FHIT: variants seen among roughly 807,000 people sequenced by gnomAD.
FHIT encodes fragile histidine triad diadenosine triphosphatase.
A neutral mutation model predicts 17.9 loss-of-function variants in FHIT; 19 were observed. The ratio of observed to expected loss-of-function variants is 1.06; its 90% CI spans 0.74 to 1.56. FHIT has a LOEUF of 1.56. Among genes scored for constraint, FHIT ranks in the 40% most tolerant of loss-of-function variants. The probability of loss-of-function intolerance (pLI) is 0.00; values close to 1 mark genes in which losing one functional copy is unlikely to be tolerated. For synonymous variants in FHIT, 81 were observed against 69.7 expected (o/e 1.16, Z -0.81); for missense variants, 248 against 189.2 (o/e 1.31, Z -1.82).
rs61056807 is a variant in FHIT, at chr3:60,772,314, C to CTATATA, written c.-18+49599_-18+49604dup. On this transcript the variant is annotated intron_variant, in intron 4 of 9. Transcript: ENST00000492590. Reference sequence around the variant, plus strand: ...ATTAAGTAGATTGTTCACTTCTCATCTATATATATATATATATATATATAT... The same window carrying CTATATA: ...ATTAAGTAGATTGTTCACTTCTCATCTATATATATATATATATATATATATATATAT... 2.7e-3 allele frequency among the ~76,000 whole-genome samples: 390 copies of CTATATA among 143,174 alleles called. 1 individual carries two copies. The highest frequency in any genetic ancestry group is 3.4e-3 in the Non-Finnish European group (221 of 65,782). 93.9% of individuals were successfully genotyped at this position (143,174 alleles called of 152,430 possible).
chr3:59,984,505 A>AC (rs1708805664), intron 7 of FHIT, among the ~76,000 whole-genome samples: 2 of 152,018 alleles, frequency 1.3e-5, no homozygotes, highest in Non-Finnish European at 2.9e-5. Flanking sequence ...TTGGCTAAAC[A>AC]TTGTTCCTAA....
intron 5 of FHIT, among the ~76,000 whole-genome samples, chr3:60,288,314 C>A (rs1235879754): frequency 7.2e-5 from 11 of 152,040 alleles, no homozygotes; most frequent in Non-Finnish European, 1.0e-4. Context: ...TAACATAATA[C>A]AAGGTGGGAG....
At chr3:60,934,932 C>T (rs953714188) in intron 3 of FHIT, among the ~76,000 whole-genome samples, 1 of 152,110 alleles carries the variant, frequency 6.6e-6, no homozygotes, top group Non-Finnish European at 1.5e-5. Context: ...GGAAAGTGCC[C>T]CTCCTGGCTC....
intron 4 of FHIT, among the ~76,000 whole-genome samples, chr3:60,596,814 T>C (rs2038286832): frequency 6.6e-6 from 1 of 152,128 alleles, no homozygotes; most frequent in South Asian, 2.1e-4. Flanking sequence ...GCATGCTGGC[T>C]CTTACCATCA....
At position 59,770,639 on chromosome 3, in the gene FHIT, C is replaced by T. The variant is rs79702250; in HGVS notation, c.349-18318G>A. 8.2e-3 allele frequency among the ~76,000 whole-genome samples: 1,254 copies of T among 152,280 alleles called. 23 individuals are homozygous for T. The highest frequency in any genetic ancestry group is 0.029 in the African/African-American group (1,196 of 41,548). On this transcript the variant is annotated intron_variant, in intron 8 of 9. Transcript: ENST00000492590. The stretch of plus-strand genomic sequence containing the variant: ...GCTTGTAGTTGCCAGAACTGTAAAA[C>T]GACAAATTTCCATTGTTTAAGCCAC...
chr3:61,078,725 A>G (rs2035042563), intron 2 of FHIT, among the ~76,000 whole-genome samples: 1 of 152,176 alleles, frequency 6.6e-6, no homozygotes, highest in Non-Finnish European at 1.5e-5. Context: ...TTAAACCAAT[A>G]ATAGTGATCA....
At chr3:60,476,662 A>T (rs1462799251) in intron 5 of FHIT, among the ~76,000 whole-genome samples, 1 of 152,140 alleles carries the variant, frequency 6.6e-6, no homozygotes, top group Non-Finnish European at 1.5e-5. Flanking sequence ...GCATGGTCAA[A>T]GTTCAAGGGC....
rs575577244 is a variant in FHIT at position 59,943,536 on chromosome 3, G to C, written c.280-21122C>G. Among the ~76,000 whole-genome samples the C allele has an allele frequency of 3.9e-5, 6 of 152,186 alleles. No individual in the cohort carries two copies. The South Asian group carries it at 1.2e-3, about 32-fold the overall frequency. ...TAATTAGAATCATTAACTGCAAATG[G>C]AAGTAAGAACAACTCAACTCTCCTT... On this transcript the variant is annotated intron_variant, in intron 7 of 9. Transcript: ENST00000492590.
At chr3:60,389,378 A>C (rs1038728909) in intron 5 of FHIT, among the ~76,000 whole-genome samples, 16 of 152,162 alleles carry the variant, frequency 1.1e-4, no homozygotes, top group Admixed American at 2.6e-4. Flanking sequence ...GAAGATAGAA[A>C]ATGTGCAGTA....
At chr3:60,846,412 T>C (rs1016031290) in intron 3 of FHIT, among the ~76,000 whole-genome samples, 1 of 152,300 alleles carries the variant, frequency 6.6e-6, no homozygotes, top group South Asian at 2.1e-4. Flanking sequence ...TACACAAATA[T>C]AGCAAAGTCA....
chr3:60,680,333 G>T (rs1330400209), intron 4 of FHIT, among the ~76,000 whole-genome samples: 1 of 152,036 alleles, frequency 6.6e-6, no homozygotes, highest in Non-Finnish European at 1.5e-5. Context: ...TTCATTAATT[G>T]TCCATTTCTG....
Position 59,962,172 on chromosome 3 carries a change from G to A in FHIT, c.280-39758C>T, listed in dbSNP as rs182084405. 6.5e-4 allele frequency among the ~76,000 whole-genome samples: 99 copies of A among 152,240 alleles called. No homozygotes were observed. The East Asian group carries it at 9.8e-3, about 15-fold the overall frequency. ...TAACAAAAGGAACTATGTCTTTAAC[G>A]TATTTTTCTTGAAAGCCAGTTCATA... On this transcript the variant is annotated intron_variant, in intron 7 of 9. Transcript: ENST00000492590.
At chr3:61,038,262 C>A (rs559427361) in intron 3 of FHIT, among the ~76,000 whole-genome samples, 1 of 152,284 alleles carries the variant, frequency 6.6e-6, no homozygotes, top group African/African-American at 2.4e-5. Context: ...GCAAAGCATT[C>A]TTGCCAAAAA....
At chr3:60,630,417 CTCT>C (rs1447608318) in intron 4 of FHIT, among the ~76,000 whole-genome samples, 8 of 152,166 alleles carry the variant, frequency 5.3e-5, no homozygotes, top group African/African-American at 1.7e-4. Context: ...CATGTTTGTC[CTCT>C]TGTTTAGAGT....
chr3:60,870,597 T>C (rs745405039), intron 3 of FHIT, among the ~76,000 whole-genome samples: 5 of 152,160 alleles, frequency 3.3e-5, no homozygotes, highest in Non-Finnish European at 5.9e-5. Flanking sequence ...AGTCATATTG[T>C]ATGTTGTGTC....
intron 5 of FHIT, among the ~76,000 whole-genome samples, chr3:60,532,176 T>A (rs893337581): frequency 6.6e-6 from 1 of 152,200 alleles, no homozygotes; most frequent in African/African-American, 2.4e-5. Context: ...AAGGTTTCTG[T>A]CATTACACAC....
intron 3 of FHIT, among the ~76,000 whole-genome samples, chr3:60,907,688 GA>G (rs1360614081): frequency 6.6e-6 from 1 of 151,916 alleles, no homozygotes; most frequent in African/African-American, 2.4e-5. Context: ...ATAAATGAGA[GA>G]AAAAAAGCCA....
chr3:60,747,159 G>A (rs894049300), intron 4 of FHIT, among the ~76,000 whole-genome samples: 1 of 150,112 alleles, frequency 6.7e-6, no homozygotes, highest in African/African-American at 2.4e-5. Flanking sequence ...CTTCCCCTCT[G>A]TGTATGTGAG....
At chr3:59,957,422 G>C (rs1044928217) in intron 7 of FHIT, among the ~76,000 whole-genome samples, 6 of 152,232 alleles carry the variant, frequency 3.9e-5, no homozygotes, top group African/African-American at 1.4e-4. Flanking sequence ...CTCCAGAACG[G>C]TGAGAAAATA....
Sources: gnomAD v4.1 joint callset for allele counts (sites outside exome capture counted in the v4.1 genomes callset) on GRCh38, gnomAD v4.1.1 for gene constraint, MANE v1.5 for transcripts, NCBI Gene and HGNC (gene_info 2026-07-23, HGNC 2026-07-21) for gene names.